The following SALL3 variants were observed in gnomAD, a reference collection of about 807,000 sequenced individuals.
SALL3 encodes spalt like transcription factor 3.
Under a neutral mutation model 66.2 loss-of-function variants are expected in SALL3, and 25 were observed. That is an observed-to-expected ratio of 0.38 (90% confidence interval 0.28 to 0.53). The LOEUF (loss-of-function observed/expected upper bound fraction) is 0.53, where lower values mean the gene tolerates loss of function less well. Ranked by LOEUF, SALL3 falls within the 20% of genes least tolerant of loss-of-function variation. The probability of loss-of-function intolerance (pLI) is 0.85; values close to 1 mark genes in which losing one functional copy is unlikely to be tolerated. For synonymous variants in SALL3, 1,152 were observed against 899.1 expected (o/e 1.28, Z -5.03); for missense variants, 2,194 against 1,916.5 (o/e 1.14, Z -2.70).
chr18:78,997,038 G>A lies in SALL3; in HGVS notation c.3619G>A (p.Val1207Ile), dbSNP rs367585625. The change falls in exon 3 of 3, where the codon GTC becomes ATC. Residue 1207 changes from valine to isoleucine, a missense_variant. Transcript: ENST00000537592. ...QKDLAARAMN[V>I]DPSFWNQYAA... ...GGACCTGGCAGCTCGGGCAATGAAC[G>A]TCGACCCCAGTTTTTGGAACCAGTA... is the stretch of plus-strand genomic sequence containing the variant. The A allele has an allele frequency of 4.7e-5, 76 of 1,614,184 alleles. 1 individual carries two copies. Among genetic ancestry groups the A allele is most frequent in the South Asian group, 4.3e-4 (39 of 91,086 alleles).
rs1442984003 is a variant in SALL3, at chr18:78,993,160, T to C, written c.1169T>C (p.Leu390Pro). 6.2e-7 allele frequency: 1 copy of C among 1,607,618 alleles called. No individual in the cohort carries two copies. The highest frequency in any genetic ancestry group is 8.5e-7 in the Non-Finnish European group (1 of 1,178,066). The change falls in exon 2 of 3, where the codon CTG (leucine) becomes CCG (proline). Residue 390 changes from leucine (L) to proline (P), a missense_variant. Leu to Pro is a moderately conservative substitution (Grantham distance 98, BLOSUM62 -3). Transcript: ENST00000537592. ...IAATANALDP[L>P]SALMKHRKGK... ...GCCACGGCCAACGCTCTGGACCCGC[T>C]GTCCGCGCTCATGAAGCACCGCAAG... is the stretch of plus-strand genomic sequence containing the variant.
intron 1 of SALL3, 140 bp downstream of exon 1, chr18:78,980,496 C>T (rs143266549): frequency 0.014 from 6,396 of 452,300 alleles, 325 homozygotes; most frequent in African/African-American, 0.11. Flanking sequence ...GTCCGCCCCG[C>T]GCCAGGCCGG....
At chr18:78,996,404 G>C (rs144798325) in intron 2 of SALL3, among the ~76,000 whole-genome samples, 4 of 152,218 alleles carry the variant, frequency 2.6e-5, no homozygotes, top group African/African-American at 9.6e-5. Context: ...AGAACTGCCC[G>C]CAGGGCCTGC....
chr18:78,985,159 C>T (rs772666021), intron 1 of SALL3: 1 of 152,214 alleles, frequency 6.6e-6, no homozygotes, highest in African/African-American at 2.4e-5. Flanking sequence ...ATGTCAAGCT[C>T]ATAATACAAT....
Position 78,994,951 on chromosome 18 carries a change from C to T in SALL3, c.2960C>T (p.Ala987Val), listed in dbSNP as rs1914632316. The T allele has an allele frequency of 2.5e-6, 4 of 1,613,638 alleles. No individual in the cohort carries two copies. In the African/African-American group the frequency reaches 4.0e-5, roughly 16 times the overall value. ...TGTGGTGTCTGTGGCAAGCCTTTTG[C>T]TTGCAAGAGCGCGTTGGAAATCCAC... Reference protein sequence around the residue: ...TVCGVCGKPFACKSALEIHYR... With the variant: ...TVCGVCGKPFVCKSALEIHYR... The change falls in exon 2 of 3, where the codon GCT becomes GTT. Residue 987 changes from alanine to valine, a missense_variant. Ala to Val is a moderately conservative substitution (Grantham distance 64). Transcript: ENST00000537592.
chr18:78,991,930 T>A (rs181468088), intron 1 of SALL3, 144 bp from the exon 2 acceptor site: 717 of 577,268 alleles, frequency 1.2e-3, no homozygotes, highest in Middle Eastern at 2.9e-3. Context: ...CTAGAAAGAG[T>A]CATAGAATAC....
chr18:78,998,292 TA>T lies in SALL3; in HGVS notation c.*977del, dbSNP rs1200867612. On this transcript the variant is annotated 3_prime_UTR_variant, in exon 3 of 3. Transcript: ENST00000537592. ...GAGGTTTGTCTATAATTTGAAAATT[TA>T]AAAAAATGTAAAGTATTTTATAAAT... 1 of 151,464 alleles carries T rather than the reference TA, an allele frequency of 6.6e-6. No individual in the cohort carries two copies. Among genetic ancestry groups the T allele is most frequent in the Non-Finnish European group, 1.5e-5 (1 of 68,032 alleles). 9.4% of individuals were successfully genotyped at this position (151,464 alleles called of 1,614,324 possible).
In SALL3 at chr18:78,992,965, C is replaced by G. The variant is rs890658695; in HGVS notation, c.974C>G (p.Pro325Arg). The change falls in exon 2 of 3, where the codon CCG (proline) becomes CGG (arginine). Residue 325 changes from proline (P) to arginine (R), a missense_variant. Physicochemically the swap from Pro to Arg is moderately radical, Grantham distance 103 (BLOSUM62 -2). Transcript: ENST00000537592. ...SAAPAPAAPA[P>R]APAPQSAASS... ...GCCCCTGCCCCCGCTGCCCCCGCCC[C>G]GGCGCCAGCGCCGCAGAGCGCAGCC... is the stretch of plus-strand genomic sequence containing the variant. The G allele has an allele frequency of 6.6e-6, 8 of 1,208,486 alleles. No individual in the cohort carries two copies. In the South Asian group the frequency reaches 1.7e-4, roughly 26 times the overall value. The allele number at this position is 1,208,486 out of a possible 1,614,324, so 74.9% of individuals were successfully genotyped here.
chr18:78,992,446 C>T lies in SALL3; in HGVS notation c.455C>T (p.Pro152Leu). ...GCGCCCCGGCCCCCGCCTGCGGCCC[C>T]TGCACCCCCAACGCCCGCCTACGGC... Reference protein sequence around the residue: ...TRAPRPPPAAPAPPTPAYGAP... With the variant: ...TRAPRPPPAALAPPTPAYGAP... The change falls in exon 2 of 3, where the codon CCT becomes CTT. Residue 152 changes from proline to leucine, a missense_variant. Pro to Leu is a moderately conservative substitution (Grantham distance 98, BLOSUM62 -3). Coordinates refer to ENST00000537592, the MANE Select transcript of SALL3 (RefSeq NM_171999.4). The T allele has an allele frequency of 4.2e-6, 6 of 1,414,744 alleles. No homozygotes were observed. The highest frequency in any genetic ancestry group is 5.5e-6 in the Non-Finnish European group (6 of 1,090,144). 87.6% of individuals were successfully genotyped at this position (1,414,744 alleles called of 1,614,324 possible).
chr18:78,980,810 G>T (rs987245024), intron 1 of SALL3, among the ~76,000 whole-genome samples: 1 of 152,070 alleles, frequency 6.6e-6, no homozygotes, highest in Non-Finnish European at 1.5e-5. Flanking sequence ...TTTGTTCGGG[G>T]GCCCGCGGCC....
rs973670122 is a variant in SALL3, at chr18:78,997,761, T to C, written c.*439T>C. On this transcript the variant is annotated 3_prime_UTR_variant, in exon 3 of 3. Transcript: ENST00000537592. Reference sequence around the variant, plus strand: ...TAAAGACGTGGTTTAGTACTCCCAATGCTGTGTATCATGACACTATCTTCG... The same window carrying C: ...TAAAGACGTGGTTTAGTACTCCCAACGCTGTGTATCATGACACTATCTTCG... 10 of 176,296 alleles carry C rather than the reference T, an allele frequency of 5.7e-5. No individual in the cohort carries two copies. Among genetic ancestry groups the C allele is most frequent in the Non-Finnish European group, 1.2e-4 (10 of 82,892 alleles). 10.9% of individuals were successfully genotyped at this position (176,296 alleles called of 1,614,324 possible). A position where few individuals can be genotyped will look rare whatever the true frequency, so the allele number is the denominator to read the frequency against.
chr18:78,991,925 A>T, intron 1 of SALL3, 149 bp from the exon 2 acceptor site: 1 of 543,388 alleles, frequency 1.8e-6, no homozygotes, highest in Non-Finnish European at 3.0e-6. Flanking sequence ...GCTAGCTAGA[A>T]AGAGTCATAG....
Position 78,993,572 on chromosome 18 carries a change from G to A in SALL3, c.1581G>A (p.Gly527=). ...TGCCCACCGTGCCCACGTCCGTGGG[G>A]CTGCAACTGCCGCCCACTGTCCCTG... ...PVLPTVPTSV[G]LQLPPTVPGA... The change falls in exon 2 of 3, where the codon GGG becomes GGA. Residue 527 remains glycine (G), a synonymous_variant. Transcript: ENST00000537592. 1 of 1,589,788 alleles carries A rather than the reference G, an allele frequency of 6.3e-7. No homozygotes were observed. The highest frequency in any genetic ancestry group is 8.5e-7 in the Non-Finnish European group (1 of 1,172,852).
At chr18:78,991,327 G>A (rs1157935923) in intron 1 of SALL3, among the ~76,000 whole-genome samples, 2 of 132,926 alleles carry the variant, frequency 1.5e-5, no homozygotes, top group Non-Finnish European at 3.1e-5. Context: ...AGACTGTATT[G>A]ATTTGGCAAA....
chr18:78,993,436 AC>A lies in SALL3; in HGVS notation c.1448del (p.Pro483ArgfsTer27). On this transcript the variant is annotated frameshift_variant, in exon 2 of 3. Coordinates refer to ENST00000537592, the MANE Select transcript of SALL3 (RefSeq NM_171999.4). LOFTEE classifies it high-confidence loss of function. ...TACCCCCACATCCAGATGAACCCTT[AC>A]CCGGTCCCCGAGTACCTGGACAACG... ...EKYPHIQMNPYPVPEYLDNVP... is the reference protein window; with the variant it reads ...EKYPHIQMNPXPVPEYLDNVP... 1 of 1,612,826 alleles carries A rather than the reference AC, an allele frequency of 6.2e-7. No individual in the cohort carries two copies. The highest frequency in any genetic ancestry group is 8.5e-7 in the Non-Finnish European group (1 of 1,179,936).
chr18:78,992,559 G>A lies in SALL3; in HGVS notation c.568G>A (p.Gly190Ser), dbSNP rs754968290. The A allele has an allele frequency of 1.7e-5, 26 of 1,502,218 alleles. No homozygotes were observed. The South Asian group carries it at 2.5e-4, about 14-fold the overall frequency. The allele number at this position is 1,502,218 out of a possible 1,614,324, so 93.1% of individuals were successfully genotyped here. The change falls in exon 2 of 3, where the codon GGC (glycine) becomes AGC (serine). Residue 190 changes from glycine (G) to serine (S), a missense_variant. Coordinates refer to ENST00000537592, the MANE Select transcript of SALL3 (RefSeq NM_171999.4). ...QFSQGARAAGGSGAGGGVAAA... is the reference protein window; with the variant it reads ...QFSQGARAAGSSGAGGGVAAA... ...CTCGCAGGGCGCGCGCGCGGCAGGC[G>A]GCTCGGGAGCAGGTGGAGGCGTGGC...
chr18:78,997,228 C>T lies in SALL3; in HGVS notation c.3809C>T (p.Pro1270Leu), dbSNP rs200143215. The change falls in exon 3 of 3, where the codon CCC (proline) becomes CTC (leucine). Residue 1270 changes from proline to leucine, a missense_variant. Physicochemically the swap from Pro to Leu is moderately conservative, Grantham distance 98. Transcript: ENST00000537592. ...MDKARTGSSP[P>L]IVSLDKASSE... ...AAAGCACGCACTGGCAGTAGCCCAC[C>T]CATCGTCAGCTTGGACAAAGCGAGC... 1.0e-4 allele frequency: 163 copies of T among 1,614,042 alleles called. No individual in the cohort carries two copies. Among genetic ancestry groups the T allele is most frequent in the East Asian group, 8.7e-4 (39 of 44,880 alleles).
chr18:78,982,112 C>T (rs1168936089), intron 1 of SALL3, among the ~76,000 whole-genome samples: 1 of 152,170 alleles, frequency 6.6e-6, no homozygotes, highest in East Asian at 1.9e-4. Context: ...AATTAACAAG[C>T]TGAGGCACTG....
intron 1 of SALL3, among the ~76,000 whole-genome samples, chr18:78,990,449 G>C (rs865799053): frequency 3.0e-4 from 46 of 152,150 alleles, no homozygotes; most frequent in African/African-American, 1.1e-3. Context: ...TGGCCTCATG[G>C]TGAGTCACAA....
Sources: allele counts gnomAD v4.1 joint callset (sites outside exome capture counted in the v4.1 genomes callset), GRCh38; gene constraint gnomAD v4.1.1; transcripts MANE v1.5; gene names NCBI Gene and HGNC (gene_info 2026-07-23, HGNC 2026-07-21).